KIAA0232: variants seen among roughly 807,000 people sequenced by gnomAD.
KIAA0232 encodes KIAA0232.
KIAA0232 carries 27 observed loss-of-function variants against 122.0 expected under a neutral mutation model. The observed-to-expected ratio is 0.22, with a 90% CI of 0.16 to 0.31. KIAA0232 has a LOEUF of 0.31. Among genes scored for constraint, KIAA0232 ranks in the 10% least tolerant of loss-of-function variants. The pLI, the probability that KIAA0232 is intolerant of heterozygous loss-of-function variation, is 1.00. For missense variants in KIAA0232, 1,551 were observed against 1,634.2 expected (o/e 0.95, Z 0.88); for synonymous variants, 613 against 587.6 (o/e 1.04, Z -0.63).
At chr4:6,870,973 C>A (rs1282909917) in intron 7 of KIAA0232, among the ~76,000 whole-genome samples, 2 of 152,158 alleles carry the variant, frequency 1.3e-5, no homozygotes, top group African/African-American at 2.4e-5. Flanking sequence ...TAGAAGTTTG[C>A]CTTGCTTGGG....
chr4:6,811,900 T>C (rs2108976294), intron 2 of KIAA0232, among the ~76,000 whole-genome samples: 1 of 152,220 alleles, frequency 6.6e-6, no homozygotes, highest in South Asian at 2.1e-4. Context: ...AGTTCTCTCT[T>C]TGTTTTGTTA....
intron 3 of KIAA0232, among the ~76,000 whole-genome samples, chr4:6,841,584 T>A (rs918472428): frequency 6.6e-6 from 1 of 152,112 alleles, no homozygotes; most frequent in African/African-American, 2.4e-5. Flanking sequence ...AAGAGGGCAG[T>A]TAGGTAAGGA....
Position 6,858,511 on chromosome 4 carries a change from G to A in KIAA0232, c.518+5G>A, listed in dbSNP as rs1720681390. On this transcript the variant is annotated splice_donor_5th_base_variant and intron_variant, in intron 6 of 9. Coordinates refer to ENST00000307659, the MANE Select transcript of KIAA0232 (RefSeq NM_014743.3). ...AGCAAAGGATCAAGTGGAAATGTATGTAAGATTGTATTCGGTAATAAAGTG... is the reference window on the plus strand; with the variant it reads ...AGCAAAGGATCAAGTGGAAATGTATATAAGATTGTATTCGGTAATAAAGTG... 6.3e-7 allele frequency: 1 copy of A among 1,582,050 alleles called. No individual in the cohort carries two copies.
intron 1 of KIAA0232, among the ~76,000 whole-genome samples, chr4:6,788,407 TTCTC>T (rs1390992091): frequency 6.6e-6 from 1 of 152,240 alleles, no homozygotes; most frequent in Non-Finnish European, 1.5e-5. Context: ...CTTTCCACCT[TTCTC>T]TCTCTTTCTG....
chr4:6,853,704 A>G lies in KIAA0232; in HGVS notation c.370-3460A>G, dbSNP rs543016899. On this transcript the variant is annotated intron_variant, in intron 4 of 9. Transcript: ENST00000307659. ...GGCACAGAAACCTTTGAGTATGGAG[A>G]GGAGAGATGAGGCAGAATAAGTCAA... 2.0e-5 allele frequency among the ~76,000 whole-genome samples: 3 copies of G among 152,192 alleles called. No individual in the cohort carries two copies. The South Asian group carries it at 6.2e-4, about 32-fold the overall frequency.
chr4:6,846,722 A>G (rs540603244), intron 4 of KIAA0232, among the ~76,000 whole-genome samples: 64 of 152,208 alleles, frequency 4.2e-4, no homozygotes, highest in African/African-American at 1.4e-3. Flanking sequence ...GTAGTTTATG[A>G]ATGGTAGGCC....
Position 6,802,686 on chromosome 4 carries a change from C to A in KIAA0232, c.-353-1837C>A, listed in dbSNP as rs189544710. 4.7e-3 allele frequency among the ~76,000 whole-genome samples: 712 copies of A among 151,958 alleles called. 5 individuals are homozygous for A. The highest frequency in any genetic ancestry group is 0.016 in the African/African-American group (669 of 41,424). On this transcript the variant is annotated intron_variant, in intron 1 of 9. Transcript: ENST00000307659. ...TTCATCTTCACGTCTTCCCCAAGGA[C>A]ATAAAGACAGAAAGGGGATTTTGCT...
intron 1 of KIAA0232, among the ~76,000 whole-genome samples, chr4:6,804,033 A>G (rs2108937280): frequency 6.6e-6 from 1 of 152,312 alleles, no homozygotes; most frequent in Middle Eastern, 3.4e-3. Context: ...ACCTGTCTTT[A>G]AAGTATTTGT....
chr4:6,823,700 T>C (rs976082878), intron 2 of KIAA0232, among the ~76,000 whole-genome samples: 2 of 151,306 alleles, frequency 1.3e-5, no homozygotes, highest in African/African-American at 4.9e-5. Flanking sequence ...AACAAAATTT[T>C]ACTAGTCCAA....
Position 6,880,010 on chromosome 4 carries a change from T to C in KIAA0232, c.4009-777T>C, listed in dbSNP as rs4991688. Among the ~76,000 whole-genome samples, 22 of 48,710 alleles carry C rather than the reference T, an allele frequency of 4.5e-4. 4 individuals carry two copies. The highest frequency in any genetic ancestry group is 1.1e-3 in the African/African-American group (13 of 12,170). The allele number at this position is 48,710 out of a possible 152,430, so 32.0% of individuals were successfully genotyped here. A position where few individuals can be genotyped will look rare whatever the true frequency, so the allele number is the denominator to read the frequency against. ...CTTCCCAACACACAGGTCTGTAGTG[T>C]CGCCTCACCATCTGTACTGTGTCAC... On this transcript the variant is annotated intron_variant, in intron 9 of 9. Transcript: ENST00000307659.
intron 7 of KIAA0232, among the ~76,000 whole-genome samples, chr4:6,865,597 G>C (rs925450694): frequency 6.6e-6 from 1 of 152,180 alleles, no homozygotes; most frequent in Non-Finnish European, 1.5e-5. Context: ...CACCGCGTCC[G>C]GCCCAGCTTA....
intron 1 of KIAA0232, among the ~76,000 whole-genome samples, chr4:6,785,362 G>A (rs1047733446): frequency 3.3e-5 from 5 of 152,174 alleles, no homozygotes; most frequent in Non-Finnish European, 5.9e-5. Flanking sequence ...ATTTTTCATT[G>A]TGTGGAAAAG....
At chr4:6,807,310 A>G (rs1053209616) in intron 2 of KIAA0232, among the ~76,000 whole-genome samples, 3 of 152,204 alleles carry the variant, frequency 2.0e-5, no homozygotes, top group Non-Finnish European at 4.4e-5. Flanking sequence ...TAGTAATCTT[A>G]TCTATAAGAA....
At position 6,879,948 on chromosome 4, in the gene KIAA0232, G is replaced by GT. The variant is rs1553847233; in HGVS notation, c.4009-839_4009-838insT. ...CCTTCCCAACACACCCGTCTGCAGT[G>GT]CCCCCTCACCATCTGTACTGTGTCA... On this transcript the variant is annotated intron_variant, in intron 9 of 9. Coordinates refer to ENST00000307659, the MANE Select transcript of KIAA0232 (RefSeq NM_014743.3). Among the ~76,000 whole-genome samples the GT allele has an allele frequency of 7.7e-5, 2 of 26,008 alleles. 1 individual carries two copies. The highest frequency in any genetic ancestry group is 1.6e-4 in the Non-Finnish European group (2 of 12,888). 17.1% of individuals were successfully genotyped at this position (26,008 alleles called of 152,430 possible).
intron 2 of KIAA0232, among the ~76,000 whole-genome samples, chr4:6,822,080 A>G (rs1170108801): frequency 1.3e-5 from 2 of 152,106 alleles, no homozygotes; most frequent in Non-Finnish European, 1.5e-5. Context: ...CGTTTTCTTC[A>G]TATTTCTTGC....
At chr4:6,875,648 T>A (rs1444875519) in intron 8 of KIAA0232, among the ~76,000 whole-genome samples, 2 of 152,202 alleles carry the variant, frequency 1.3e-5, no homozygotes, top group Non-Finnish European at 2.9e-5. Context: ...GCATGTCATC[T>A]CGTCAAACTA....
intron 1 of KIAA0232, among the ~76,000 whole-genome samples, chr4:6,783,977 C>T (rs1384044201): frequency 6.6e-6 from 1 of 152,072 alleles, no homozygotes; most frequent in Admixed American, 6.5e-5. Flanking sequence ...TCTTGTGGTG[C>T]GCAGGTGACA....
At chr4:6,837,704 A>G (rs779351115) in intron 3 of KIAA0232, among the ~76,000 whole-genome samples, 1 of 152,238 alleles carries the variant, frequency 6.6e-6, no homozygotes, top group African/African-American at 2.4e-5. Context: ...TCGCGGTCAG[A>G]AGCTGGAGAC....
At chr4:6,790,915 CTTTTTTTTTT>C (rs35766310) in intron 1 of KIAA0232, among the ~76,000 whole-genome samples, 2 of 92,940 alleles carry the variant, frequency 2.2e-5, no homozygotes, top group Admixed American at 1.3e-4. Flanking sequence ...TTTTTATATA[CTTTTTTTTTT>C]TTTTTTTTTT....
Sources: gnomAD v4.1 joint callset for allele counts (sites outside exome capture counted in the v4.1 genomes callset) on GRCh38, gnomAD v4.1.1 for gene constraint, MANE v1.5 for transcripts, NCBI Gene and HGNC (gene_info 2026-07-23, HGNC 2026-07-21) for gene names.